ELMO1: variants seen among roughly 807,000 people sequenced by gnomAD.
The protein encoded by ELMO1 is engulfment and cell motility 1.
A neutral mutation model predicts 98.9 loss-of-function variants in ELMO1; 26 were observed. The observed-to-expected ratio is 0.26, with a 90% CI of 0.19 to 0.36. ELMO1 has a LOEUF of 0.36. ELMO1 is among the 10% of genes least tolerant of loss of function. The pLI is 1.00. For missense variants in ELMO1, 627 were observed against 935.2 expected (o/e 0.67, Z 4.30); for synonymous variants, 346 against 346.0 (o/e 1.00, Z 0.00).
intron 21 of ELMO1, among the ~76,000 whole-genome samples, chr7:36,859,610 G>C (rs1212614515): frequency 6.6e-6 from 1 of 152,170 alleles, no homozygotes; most frequent in Non-Finnish European, 1.5e-5. Context: ...TTAAATTCCA[G>C]CTCTGTCCTC....
intron 18 of ELMO1, among the ~76,000 whole-genome samples, 194 bp from the exon 19 acceptor site, chr7:36,878,311 C>T (rs545327947): frequency 4.6e-5 from 7 of 152,232 alleles, no homozygotes; most frequent in African/African-American, 1.4e-4. Context: ...ACCTGTCCTG[C>T]TTGGTATACA....
intron 4 of ELMO1, among the ~76,000 whole-genome samples, chr7:37,314,016 T>A (rs1799023006): frequency 6.6e-6 from 1 of 152,194 alleles, no homozygotes; most frequent in African/African-American, 2.4e-5. Context: ...GAGCTCAACC[T>A]AAAGTTGTGT....
At chr7:37,375,849 G>A in intron 1 of ELMO1, 3 of 727,876 alleles carry the variant, frequency 4.1e-6, no homozygotes, top group South Asian at 2.9e-5. Flanking sequence ...CTAAAGGTCT[G>A]GAGACTGAGC....
intron 15 of ELMO1, among the ~76,000 whole-genome samples, chr7:37,078,397 TGTAA>T (rs956272518): frequency 7.9e-5 from 12 of 152,210 alleles, no homozygotes; most frequent in African/African-American, 2.9e-4. Flanking sequence ...TGCCTACATC[TGTAA>T]GTCTCTCTCA....
chr7:37,336,730 G>A (rs1800435049), intron 2 of ELMO1, among the ~76,000 whole-genome samples: 1 of 152,122 alleles, frequency 6.6e-6, no homozygotes, highest in African/African-American at 2.4e-5. Flanking sequence ...GGACAACCAA[G>A]GCAGAGGTGC....
intron 15 of ELMO1, among the ~76,000 whole-genome samples, chr7:37,044,724 A>G (rs1180314557): frequency 6.6e-6 from 1 of 152,208 alleles, no homozygotes; most frequent in Non-Finnish European, 1.5e-5. Context: ...CTCTTTCTGC[A>G]GCGAGATGCA....
intron 6 of ELMO1, 23 bp from the exon 7 acceptor site, chr7:37,244,414 T>C: frequency 1.9e-6 from 3 of 1,610,346 alleles, no homozygotes; most frequent in South Asian, 1.1e-5. Context: ...AAAACAACCA[T>C]GTGAGGAGCA....
In ELMO1 at chr7:36,878,054, T is replaced by C; in HGVS notation, c.1778A>G (p.Glu593Gly). The C allele has an allele frequency of 6.2e-7, 1 of 1,614,118 alleles. No homozygotes were observed. Among genetic ancestry groups the C allele is most frequent in the Non-Finnish European group, 8.5e-7 (1 of 1,179,966 alleles). ...HKVLHYGDLE[E>G]SPQGEVPHDS... ...GTGGGGCACTTCTCCCTGAGGACTCTCTTCTAAGTCTCCGTAATGCAGGAC... is the reference window on the plus strand; with the variant it reads ...GTGGGGCACTTCTCCCTGAGGACTCCCTTCTAAGTCTCCGTAATGCAGGAC... The change falls in exon 19 of 22, where the codon GAG becomes GGG. Residue 593 changes from glutamate to glycine, a missense_variant. By Grantham distance (98) the Glu-to-Gly change is moderately conservative. Around this residue, in one of 3 missense-constraint regions of ELMO1, gnomAD observed 492 missense variants for 715.6 expected, o/e 0.69. Transcript: ENST00000310758.
rs920606935 is a variant in ELMO1 at position 36,986,058 on chromosome 7, C to G, written c.1437+27241G>C. The G allele has an allele frequency of 4.0e-6, 4 of 999,300 alleles. No homozygotes were observed. The African/African-American group carries it at 7.0e-5, about 17-fold the overall frequency. The allele number at this position is 999,300 out of a possible 1,614,324, so 61.9% of individuals were successfully genotyped here. ...CAGATGGTTCCTGAGTAAGCTTGTT[C>G]ATGAAACAGGTTTCCAGTTGAGCCA... On this transcript the variant is annotated intron_variant, in intron 16 of 21. Coordinates refer to ENST00000310758, the MANE Select transcript of ELMO1 (RefSeq NM_014800.11).
At chr7:36,856,301 T>C (rs956060085) in intron 21 of ELMO1, among the ~76,000 whole-genome samples, 2 of 152,192 alleles carry the variant, frequency 1.3e-5, no homozygotes, top group Non-Finnish European at 2.9e-5. Context: ...CAGTCCCACC[T>C]TGGTGTTTCT....
At chr7:36,983,965 ATT>A (rs60966397) in intron 16 of ELMO1, among the ~76,000 whole-genome samples, 15,992 of 143,536 alleles carry the variant, frequency 0.11, 909 homozygotes, top group Middle Eastern at 0.18. Flanking sequence ...ACTGTTTTAG[ATT>A]TTTTTTTTTT....
chr7:37,281,641 T>C (rs1002426257), intron 4 of ELMO1, among the ~76,000 whole-genome samples: 3 of 152,200 alleles, frequency 2.0e-5, no homozygotes, highest in Admixed American at 1.3e-4. Flanking sequence ...GGGGCCTGGT[T>C]TGCTGCATTT....
At chr7:37,059,645 T>A (rs1390588107) in intron 15 of ELMO1, among the ~76,000 whole-genome samples, 4 of 152,184 alleles carry the variant, frequency 2.6e-5, no homozygotes, top group Non-Finnish European at 5.9e-5. Context: ...TAAGGAAATG[T>A]GGCTTTGAAG....
In ELMO1 at chr7:36,870,671, T is replaced by C. The variant is rs1435598569; in HGVS notation, c.1823-196A>G. Among the ~76,000 whole-genome samples, 2 of 152,202 alleles carry C rather than the reference T, an allele frequency of 1.3e-5. No homozygotes were observed. Among genetic ancestry groups the C allele is most frequent in the East Asian group, 3.8e-4 (2 of 5,198 alleles). On this transcript the variant is annotated intron_variant, in intron 19 of 21. Coordinates refer to ENST00000310758, the MANE Select transcript of ELMO1 (RefSeq NM_014800.11). This position sits in a 1 kb window ranked among gnomAD's most constrained non-coding sequence, Gnocchi z 4.4. ...AGAAACTAAAATATATCTTATATTC[T>C]GGGAAAAAGCATCCCTGGAGAGAAA...
intron 4 of ELMO1, among the ~76,000 whole-genome samples, chr7:37,305,322 T>A (rs1240882058): frequency 6.6e-6 from 1 of 152,254 alleles, no homozygotes; most frequent in African/African-American, 2.4e-5. Flanking sequence ...TGAAACTGTA[T>A]TACTGTTTGA....
intron 1 of ELMO1, among the ~76,000 whole-genome samples, chr7:37,388,784 T>C (rs1337406852): frequency 6.6e-6 from 1 of 152,088 alleles, no homozygotes; most frequent in East Asian, 1.9e-4. Context: ...GCCTGGGCAA[T>C]AGAGAGAGAC....
At chr7:37,009,086 A>T (rs1793364149) in intron 16 of ELMO1, among the ~76,000 whole-genome samples, 1 of 152,158 alleles carries the variant, frequency 6.6e-6, no homozygotes, top group Admixed American at 6.5e-5. Context: ...TGGAGTAGTT[A>T]GCCACACATG....
intron 15 of ELMO1, among the ~76,000 whole-genome samples, chr7:37,047,004 T>C (rs1562920443): frequency 1.3e-5 from 2 of 152,198 alleles, no homozygotes; most frequent in Non-Finnish European, 2.9e-5. Flanking sequence ...AAAATTATGA[T>C]TTAGGATCAC....
intron 14 of ELMO1, among the ~76,000 whole-genome samples, chr7:37,122,211 G>A (rs527633093): frequency 6.6e-6 from 1 of 152,250 alleles, no homozygotes; most frequent in African/African-American, 2.4e-5. Context: ...ATTGAGACTA[G>A]GAAGAAACTG....
Sources: gnomAD v4.1 joint callset for allele counts (sites outside exome capture counted in the v4.1 genomes callset) on GRCh38, gnomAD v4.1.1 for gene constraint, gnomAD v4.1.1 regional missense constraint, Gnocchi (gnomAD v3.1) non-coding constraint, MANE v1.5 for transcripts, NCBI Gene and HGNC (gene_info 2026-07-23, HGNC 2026-07-21) for gene names.